The following ATG10 variants were observed in gnomAD, a reference collection of about 807,000 sequenced individuals.
The protein encoded by ATG10 is ubiquitin-like-conjugating enzyme ATG10.
A neutral mutation model predicts 32.1 loss-of-function variants in ATG10; 30 were observed. That is an observed-to-expected ratio of 0.94 (90% CI 0.70 to 1.27). ATG10 has a LOEUF of 1.27. Ranked by LOEUF, ATG10 falls within the 50% of genes most tolerant of loss-of-function variation. The pLI is 0.00. For synonymous variants in ATG10, 87 were observed against 91.5 expected (o/e 0.95, Z 0.28); for missense variants, 233 against 262.3 (o/e 0.89, Z 0.77).
At chr5:82,018,249 T>C (rs1762340118) in intron 2 of ATG10, among the ~76,000 whole-genome samples, 1 of 152,130 alleles carries the variant, frequency 6.6e-6, no homozygotes, top group African/African-American at 2.4e-5. Context: ...TGGAACTATC[T>C]TTAACTCCTT....
intron 2 of ATG10, among the ~76,000 whole-genome samples, chr5:82,037,539 G>A (rs935867153): frequency 2.6e-5 from 4 of 151,602 alleles, no homozygotes; most frequent in African/African-American, 7.3e-5. Context: ...GAGCCACCGC[G>A]CCCGGCCCCA....
chr5:82,035,486 A>G (rs537108177), intron 2 of ATG10, among the ~76,000 whole-genome samples: 1 of 152,272 alleles, frequency 6.6e-6, no homozygotes, highest in Admixed American at 6.5e-5. Flanking sequence ...TTATACTCCT[A>G]TCAAAAATAA....
At chr5:82,094,583 G>A (rs978486239) in intron 3 of ATG10, among the ~76,000 whole-genome samples, 4 of 151,926 alleles carry the variant, frequency 2.6e-5, no homozygotes, top group Non-Finnish European at 2.9e-5. Flanking sequence ...AAGCAAATAC[G>A]CTCATAAGTT....
rs767811079 is a variant in ATG10, at chr5:82,114,275, C to G, written c.217-50124C>G. 1.6e-4 allele frequency among the ~76,000 whole-genome samples: 24 copies of G among 152,102 alleles called. 1 individual carries two copies. Among genetic ancestry groups the G allele is most frequent in the Admixed American group, 4.6e-4 (7 of 15,222 alleles). On this transcript the variant is annotated intron_variant, in intron 3 of 7. Coordinates refer to ENST00000282185, the MANE Select transcript of ATG10 (RefSeq NM_031482.5). ...TGTCCTGAAGCACAAGAAGTGTCCT[C>G]CCACATTCTGTTCTTTCTTCCTTGT...
At chr5:81,973,677 T>C (rs1760792660) in intron 1 of ATG10, among the ~76,000 whole-genome samples, 1 of 152,224 alleles carries the variant, frequency 6.6e-6, no homozygotes, top group South Asian at 2.1e-4. Context: ...CCCTGTGTGG[T>C]ACTCAAATAC....
intron 5 of ATG10, among the ~76,000 whole-genome samples, chr5:82,212,003 A>C (rs898284480): frequency 3.9e-5 from 6 of 152,206 alleles, no homozygotes; most frequent in Non-Finnish European, 8.8e-5. Flanking sequence ...GTCAAGGCTC[A>C]CTTCAAATGG....
intron 2 of ATG10, among the ~76,000 whole-genome samples, chr5:82,004,451 G>A (rs774124446): frequency 2.0e-5 from 3 of 152,182 alleles, no homozygotes; most frequent in African/African-American, 7.2e-5. Flanking sequence ...GAGAACCAAG[G>A]TAATTGACAC....
At chr5:81,991,171 C>T (rs1221694475) in intron 2 of ATG10, among the ~76,000 whole-genome samples, 1 of 152,186 alleles carries the variant, frequency 6.6e-6, no homozygotes, top group African/African-American at 2.4e-5. Flanking sequence ...AATCCTGTGC[C>T]ATTTTTCTAA....
chr5:82,012,561 C>T (rs971249830), intron 2 of ATG10, among the ~76,000 whole-genome samples: 2 of 152,196 alleles, frequency 1.3e-5, no homozygotes, highest in Non-Finnish European at 2.9e-5. Flanking sequence ...TGTTTCCATA[C>T]AATTGGTGTA....
chr5:82,213,652 G>A (rs1365947911), intron 5 of ATG10, among the ~76,000 whole-genome samples: 1 of 152,206 alleles, frequency 6.6e-6, no homozygotes, highest in South Asian at 2.1e-4. Flanking sequence ...ATCCAGCCTT[G>A]TGTGGCCAAC....
At chr5:82,043,438 C>T (rs556940055) in intron 2 of ATG10, among the ~76,000 whole-genome samples, 1 of 152,280 alleles carries the variant, frequency 6.6e-6, no homozygotes, top group South Asian at 2.1e-4. Flanking sequence ...GACATTTTTC[C>T]CCATTGTCTT....
At chr5:82,203,625 C>G (rs966333458) in intron 5 of ATG10, among the ~76,000 whole-genome samples, 15 of 152,092 alleles carry the variant, frequency 9.9e-5, no homozygotes, top group Non-Finnish European at 2.1e-4. Context: ...AAAAATTCCA[C>G]TCTAGTTTTT....
chr5:82,085,051 A>G (rs949465508), intron 3 of ATG10, among the ~76,000 whole-genome samples: 2 of 152,138 alleles, frequency 1.3e-5, no homozygotes, highest in African/African-American at 4.8e-5. Context: ...TGGATAAAGA[A>G]TCAAGACCCA....
chr5:82,110,818 G>C (rs966391115), intron 3 of ATG10, among the ~76,000 whole-genome samples: 7 of 151,840 alleles, frequency 4.6e-5, no homozygotes, highest in African/African-American at 2.4e-5. Flanking sequence ...GATCCCATTT[G>C]TCAATTTTGT....
chr5:82,094,244 T>C (rs1764981627), intron 3 of ATG10, among the ~76,000 whole-genome samples: 1 of 152,150 alleles, frequency 6.6e-6, no homozygotes, highest in Non-Finnish European at 1.5e-5. Flanking sequence ...ATTTGTTGCT[T>C]GATGTTTTGA....
intron 3 of ATG10, among the ~76,000 whole-genome samples, chr5:82,091,983 G>A (rs1275613973): frequency 1.3e-5 from 2 of 152,098 alleles, no homozygotes; most frequent in Non-Finnish European, 2.9e-5. Context: ...ACATGTTTCT[G>A]ATTTTCTTCT....
At chr5:82,048,551 A>G (rs1453459108) in intron 2 of ATG10, among the ~76,000 whole-genome samples, 1 of 152,208 alleles carries the variant, frequency 6.6e-6, no homozygotes, top group South Asian at 2.1e-4. Flanking sequence ...GACAAATGGG[A>G]TCTAATTCAA....
At chr5:82,045,509 CCTT>C (rs920357037) in intron 2 of ATG10, among the ~76,000 whole-genome samples, 2 of 152,108 alleles carry the variant, frequency 1.3e-5, no homozygotes, top group Non-Finnish European at 2.9e-5. Context: ...TGCTTCTCCT[CCTT>C]CTGCTGTTCT....
chr5:82,052,671 A>G (rs1763467904), intron 2 of ATG10, among the ~76,000 whole-genome samples: 1 of 152,158 alleles, frequency 6.6e-6, no homozygotes, highest in South Asian at 2.1e-4. Flanking sequence ...GGTCTTGGGT[A>G]TCTTTCCGGA....
Sources: allele counts gnomAD v4.1 joint callset (sites outside exome capture counted in the v4.1 genomes callset), GRCh38; gene constraint gnomAD v4.1.1; transcripts MANE v1.5; gene names NCBI Gene and HGNC (gene_info 2026-07-23, HGNC 2026-07-21).